DMRT3: variants seen among roughly 807,000 people sequenced by gnomAD.
DMRT3 encodes doublesex and mab-3 related transcription factor 3.
Under a neutral mutation model 34.9 loss-of-function variants are expected in DMRT3, and 29 were observed. The ratio of observed to expected loss-of-function variants is 0.83; its 90% confidence interval spans 0.62 to 1.13. The LOEUF (loss-of-function observed/expected upper bound fraction) is 1.13, where lower values mean the gene tolerates loss of function less well. Among genes scored for constraint, DMRT3 ranks in the 50% most tolerant of loss-of-function variants. The pLI, the probability that DMRT3 is intolerant of heterozygous loss-of-function variation, is 0.00. For missense variants in DMRT3, 772 were observed against 629.1 expected (o/e 1.23, Z -2.43); for synonymous variants, 350 against 286.0 (o/e 1.22, Z -2.26).
Position 990,236 on chromosome 9 carries a change from G to T in DMRT3, c.650G>T (p.Arg217Leu), listed in dbSNP as rs773043267. 6.2e-7 allele frequency: 1 copy of T among 1,613,966 alleles called. No individual in the cohort carries two copies. The highest frequency in any genetic ancestry group is 2.2e-5 in the East Asian group (1 of 44,866). ...VQKNGGNPES[R>L]PDSPKCHAEQ... is the part of the protein sequence containing the mutation. ...AAAAACGGAGGCAACCCCGAGAGCCGCCCTGACAGCCCCAAGTGTCACGCG... is the reference window on the plus strand; with the variant it reads ...AAAAACGGAGGCAACCCCGAGAGCCTCCCTGACAGCCCCAAGTGTCACGCG... Residue 217 changes from arginine (R) to leucine (L), a missense_variant, in exon 2 of 2, where the codon CGC becomes CTC. Transcript: ENST00000190165.
chr9:989,877 G>T, intron 1 of DMRT3, 164 bp from the exon 2 acceptor site: 1 of 794,710 alleles, frequency 1.3e-6, no homozygotes, highest in Admixed American at 3.1e-5. Context: ...TGTTTCATTT[G>T]CCAGTGATAT....
In DMRT3 at chr9:990,697, A is replaced by G. The variant is rs1351011483; in HGVS notation, c.1111A>G (p.Met371Val). The G allele has an allele frequency of 1.2e-6, 2 of 1,614,024 alleles. No individual in the cohort carries two copies. Among genetic ancestry groups the G allele is most frequent in the Non-Finnish European group, 1.7e-6 (2 of 1,180,012 alleles). Reference protein sequence around the residue: ...PFPQPPRYPLMLRNTLARSQS... With the variant: ...PFPQPPRYPLVLRNTLARSQS... Reference sequence around the variant, plus strand: ...CCCCCAGCCACCCCGGTACCCGCTGATGCTGAGGAATACTTTGGCGAGAAG... The same window carrying G: ...CCCCCAGCCACCCCGGTACCCGCTGGTGCTGAGGAATACTTTGGCGAGAAG... The change falls in exon 2 of 2, where the codon ATG (methionine) becomes GTG (valine). Residue 371 changes from methionine to valine, a missense_variant. By Grantham distance (21) the Met-to-Val change is conservative. Coordinates refer to ENST00000190165, the MANE Select transcript of DMRT3 (RefSeq NM_021240.4).
intron 1 of DMRT3, among the ~76,000 whole-genome samples, chr9:979,052 C>A (rs1221428932): frequency 6.6e-6 from 1 of 152,148 alleles, no homozygotes; most frequent in Non-Finnish European, 1.5e-5. Context: ...TTCTCTGGTT[C>A]CGTTTCCCCC....
At chr9:985,737 T>TA (rs1820275550) in intron 1 of DMRT3, among the ~76,000 whole-genome samples, 2 of 152,330 alleles carry the variant, frequency 1.3e-5, no homozygotes, top group South Asian at 2.1e-4. Context: ...GGTGCAAAGT[T>TA]AGAGGCTAGT....
At chr9:986,826 G>C (rs1820290442) in intron 1 of DMRT3, among the ~76,000 whole-genome samples, 1 of 149,342 alleles carries the variant, frequency 6.7e-6, no homozygotes. Context: ...AGGAGGCAGA[G>C]TTTCCAGTGA....
At chr9:982,431 T>A (rs1820233418) in intron 1 of DMRT3, among the ~76,000 whole-genome samples, 1 of 152,226 alleles carries the variant, frequency 6.6e-6, no homozygotes, top group African/African-American at 2.4e-5. Flanking sequence ...TGCTCTCGAC[T>A]TACACAACCA....
chr9:982,950 G>A (rs1820240051), intron 1 of DMRT3, among the ~76,000 whole-genome samples: 1 of 152,144 alleles, frequency 6.6e-6, no homozygotes, highest in African/African-American at 2.4e-5. Flanking sequence ...GATGGCTTGT[G>A]CACGGGTGCT....
At chr9:977,713 C>G (rs1820170270) in intron 1 of DMRT3, among the ~76,000 whole-genome samples, 1 of 152,212 alleles carries the variant, frequency 6.6e-6, no homozygotes, top group Admixed American at 6.5e-5. Flanking sequence ...GTCAGTATCG[C>G]CAGGTGCCTT....
chr9:987,819 A>G (rs1235843221), intron 1 of DMRT3, among the ~76,000 whole-genome samples: 1 of 152,208 alleles, frequency 6.6e-6, no homozygotes, highest in Non-Finnish European at 1.5e-5. Flanking sequence ...TTATGTCCAT[A>G]TTTACATGGG....
Position 991,333 on chromosome 9 carries a change from A to G in DMRT3, c.*328A>G. The G allele has an allele frequency of 4.8e-6, 1 of 210,438 alleles. No homozygotes were observed. The allele number at this position is 210,438 out of a possible 1,614,324, so 13.0% of individuals were successfully genotyped here. A position where few individuals can be genotyped will look rare whatever the true frequency, so the allele number is the denominator to read the frequency against. On this transcript the variant is annotated 3_prime_UTR_variant, in exon 2 of 2. Coordinates refer to ENST00000190165, the MANE Select transcript of DMRT3 (RefSeq NM_021240.4). ...AAGGTCAGCCTTGCACCTAAACCCA[A>G]CCTGGAATGTTAAATGAAATAATAT...
rs573312360 is a variant in DMRT3 at position 981,258 on chromosome 9, C to T, written c.454+3803C>T. Among the ~76,000 whole-genome samples, 220 of 152,164 alleles carry T rather than the reference C, an allele frequency of 1.4e-3. 1 individual carries two copies. The highest frequency in any genetic ancestry group is 2.7e-3 in the Non-Finnish European group (182 of 68,012). ...GCTTGACTGGGTCCCGCAAAGTCCA[C>T]TTCCTTTTTTTTTAATTTTTTTTTC... On this transcript the variant is annotated intron_variant, in intron 1 of 1. Coordinates refer to ENST00000190165, the MANE Select transcript of DMRT3 (RefSeq NM_021240.4).
chr9:986,716 C>T (rs1243147002), intron 1 of DMRT3, among the ~76,000 whole-genome samples: 1 of 151,956 alleles, frequency 6.6e-6, no homozygotes, highest in Non-Finnish European at 1.5e-5. Flanking sequence ...CATAGTGAAA[C>T]CCTGTCTCTA....
intron 1 of DMRT3, among the ~76,000 whole-genome samples, chr9:987,295 T>C (rs1313712060): frequency 1.3e-5 from 2 of 152,250 alleles, no homozygotes; most frequent in South Asian, 2.1e-4. Flanking sequence ...AGTAGAGTCA[T>C]ACAGTATTTG....
At position 990,275 on chromosome 9, in the gene DMRT3, T is replaced by C. The variant is rs780509910; in HGVS notation, c.689T>C (p.Leu230Pro). ...SPKCHAEQNH[L>P]LIEGPSGTVS... is the part of the protein sequence containing the mutation. ...AAGTGTCACGCGGAGCAGAATCACC[T>C]CCTGATTGAGGGCCCCTCGGGGACT... is the stretch of plus-strand genomic sequence containing the variant. Residue 230 changes from leucine to proline, a missense_variant, in exon 2 of 2, where the codon CTC becomes CCC. Coordinates refer to ENST00000190165, the MANE Select transcript of DMRT3 (RefSeq NM_021240.4). 6 of 1,613,372 alleles carry C rather than the reference T, an allele frequency of 3.7e-6. No individual in the cohort carries two copies. In the African/African-American group the frequency reaches 4.0e-5, roughly 11 times the overall value.
At position 977,461 on chromosome 9, in the gene DMRT3, A is replaced by G; in HGVS notation, c.454+6A>G. 1 of 1,281,520 alleles carries G rather than the reference A, an allele frequency of 7.8e-7. No homozygotes were observed. The highest frequency in any genetic ancestry group is 9.9e-7 in the Non-Finnish European group (1 of 1,014,072). 79.4% of individuals were successfully genotyped at this position (1,281,520 alleles called of 1,614,324 possible). On this transcript the variant is annotated splice_donor_region_variant and intron_variant, in intron 1 of 1. Transcript: ENST00000190165. The stretch of plus-strand genomic sequence containing the variant: ...GGCGCAGCTCGCCAAGCCAGGTAAG[A>G]GCGTCTGAGGTGCGGGAGTTTGGCC...
At chr9:984,875 A>T (rs1263308769) in intron 1 of DMRT3, among the ~76,000 whole-genome samples, 6 of 150,812 alleles carry the variant, frequency 4.0e-5, no homozygotes, top group African/African-American at 1.5e-4. Flanking sequence ...TATGTGAAAA[A>T]CTCCCCTAAA....
intron 1 of DMRT3, among the ~76,000 whole-genome samples, chr9:981,282 T>C (rs1162595145): frequency 2.6e-5 from 4 of 151,928 alleles, no homozygotes; most frequent in Non-Finnish European, 5.9e-5. Context: ...AATTTTTTTT[T>C]CCCCCAAAGA....
Position 976,878 on chromosome 9 carries a change from G to C in DMRT3, c.-124G>C. Reference sequence around the variant, plus strand: ...GCCCCGGAGCACACACGACCACCGGGGCTGCGGGACCAAGGGCCGCGTCGC... The same window carrying C: ...GCCCCGGAGCACACACGACCACCGGCGCTGCGGGACCAAGGGCCGCGTCGC... On this transcript the variant is annotated 5_prime_UTR_variant, in exon 1 of 2. Coordinates refer to ENST00000190165, the MANE Select transcript of DMRT3 (RefSeq NM_021240.4). This position sits in a 1 kb window ranked among gnomAD's most constrained non-coding sequence, Gnocchi z 4.5. 1 of 1,067,788 alleles carries C rather than the reference G, an allele frequency of 9.4e-7. No individual in the cohort carries two copies. Among genetic ancestry groups the C allele is most frequent in the Admixed American group, 3.9e-5 (1 of 25,624 alleles). The allele number at this position is 1,067,788 out of a possible 1,614,324, so 66.1% of individuals were successfully genotyped here. A position where few individuals can be genotyped will look rare whatever the true frequency, so the allele number is the denominator to read the frequency against.
chr9:984,998 T>C (rs897849977), intron 1 of DMRT3, among the ~76,000 whole-genome samples: 1 of 152,206 alleles, frequency 6.6e-6, no homozygotes, highest in Admixed American at 6.5e-5. Flanking sequence ...GTAGTCATCT[T>C]ATGGCATATA....
Sources: allele counts gnomAD v4.1 joint callset (sites outside exome capture counted in the v4.1 genomes callset), GRCh38; gene constraint gnomAD v4.1.1; non-coding constraint Gnocchi (gnomAD v3.1); transcripts MANE v1.5; gene names NCBI Gene and HGNC (gene_info 2026-07-23, HGNC 2026-07-21).